The following MALRD1 variants were observed in gnomAD, a reference collection of about 807,000 sequenced individuals.
MALRD1 encodes MAM and LDL-receptor class A domain-containing protein 1.
A neutral mutation model predicts 242.1 loss-of-function variants in MALRD1; 247 were observed. The ratio of observed to expected loss-of-function variants is 1.02; its 90% confidence interval spans 0.92 to 1.13. The LOEUF is 1.13. Ranked by LOEUF, MALRD1 falls within the 50% of genes most tolerant of loss-of-function variation. The probability of loss-of-function intolerance (pLI) is 0.00; values close to 1 mark genes in which losing one functional copy is unlikely to be tolerated. For missense variants in MALRD1, 2,989 were observed against 2,533.1 expected, an observed-to-expected ratio of 1.18 and a Z score of -3.86; for synonymous variants, 995 against 866.6, an observed-to-expected ratio of 1.15 and a Z score of -2.60.
chr10:19,485,348 A>T (rs1837189172), intron 29 of MALRD1, among the ~76,000 whole-genome samples: 1 of 152,228 alleles, frequency 6.6e-6, no homozygotes, highest in Admixed American at 6.5e-5. Context: ...AAATATTTTT[A>T]AAATAATAAA....
chr10:19,234,548 T>C (rs796500643), intron 18 of MALRD1, among the ~76,000 whole-genome samples: 12 of 152,096 alleles, frequency 7.9e-5, no homozygotes, highest in African/African-American at 2.9e-4. Flanking sequence ...TTGCCTGAAA[T>C]AAATGAAACT....
intron 21 of MALRD1, among the ~76,000 whole-genome samples, chr10:19,308,618 T>C (rs142676359): frequency 2.0e-4 from 30 of 151,632 alleles, no homozygotes; most frequent in African/African-American, 6.8e-4. Flanking sequence ...GATGCTACCA[T>C]ATCTTGTCCC....
chr10:19,643,933 C>T (rs1253835845), intron 36 of MALRD1, among the ~76,000 whole-genome samples: 1 of 152,104 alleles, frequency 6.6e-6, no homozygotes, highest in East Asian at 1.9e-4. Flanking sequence ...TTCCCCAGCT[C>T]CCTTCCTTCT....
intron 28 of MALRD1, among the ~76,000 whole-genome samples, chr10:19,419,428 A>G (rs1833636110): frequency 6.6e-6 from 1 of 152,058 alleles, no homozygotes; most frequent in South Asian, 2.1e-4. Context: ...CTGAGTAGCC[A>G]TGACTACAGG....
intron 28 of MALRD1, among the ~76,000 whole-genome samples, chr10:19,417,997 A>T (rs144718020): frequency 4.6e-4 from 70 of 152,240 alleles, no homozygotes; most frequent in African/African-American, 1.5e-3. Flanking sequence ...ACACACACAT[A>T]CACACACCTG....
At chr10:19,416,819 C>A (rs938759082) in intron 28 of MALRD1, among the ~76,000 whole-genome samples, 6 of 152,196 alleles carry the variant, frequency 3.9e-5, no homozygotes, top group Admixed American at 1.3e-4. Context: ...CTTTACTCTG[C>A]TTCCCTGCAC....
At chr10:19,276,845 G>C (rs1193956964) in intron 19 of MALRD1, among the ~76,000 whole-genome samples, 1 of 151,406 alleles carries the variant, frequency 6.6e-6, no homozygotes, top group Admixed American at 6.6e-5. Context: ...TGTTGTCATT[G>C]GCTTTCTATT....
intron 36 of MALRD1, among the ~76,000 whole-genome samples, chr10:19,680,472 C>T (rs1054778969): frequency 6.6e-6 from 1 of 151,796 alleles, no homozygotes; most frequent in Non-Finnish European, 1.5e-5. Flanking sequence ...CTGCTTTTGT[C>T]TGCCTTCCAT....
chr10:19,676,803 G>GT (rs1842156585), intron 36 of MALRD1, among the ~76,000 whole-genome samples: 1 of 152,090 alleles, frequency 6.6e-6, no homozygotes, highest in Non-Finnish European at 1.5e-5. Context: ...TGCGTTAGCT[G>GT]TTTTTCCTGA....
At position 19,123,517 on chromosome 10, in the gene MALRD1, A is replaced by G. The variant is rs947824594; in HGVS notation, c.720A>G (p.Ala240=). The G allele has an allele frequency of 2.2e-5, 27 of 1,233,668 alleles. No homozygotes were observed. The East Asian group carries it at 6.9e-4, about 32-fold the overall frequency. The allele number at this position is 1,233,668 out of a possible 1,614,324, so 76.4% of individuals were successfully genotyped here. The change falls in exon 6 of 40, where the codon GCA becomes GCG. Residue 240 remains alanine (A), a synonymous_variant. Transcript: ENST00000454679. The part of the protein sequence containing the change: ...ANDGILLCQE[A]LNAERELCHP... ...ATGGAATTTTACTGTGTCAAGAAGC[A>G]TTGAATGCTGAGCGGGAGCTATGCC...
intron 26 of MALRD1, among the ~76,000 whole-genome samples, chr10:19,358,588 G>A (rs1307736123): frequency 6.6e-6 from 1 of 152,198 alleles, no homozygotes; most frequent in Non-Finnish European, 1.5e-5. Flanking sequence ...CTAACTGTGT[G>A]ATGTCAGCTA....
At chr10:19,094,464 C>G (rs1588533237) in intron 4 of MALRD1, among the ~76,000 whole-genome samples, 1 of 149,230 alleles carries the variant, frequency 6.7e-6, no homozygotes, top group Admixed American at 6.7e-5. Context: ...GCACGGTGTG[C>G]ACACACACTG....
chr10:19,267,123 T>C (rs1475392121), intron 19 of MALRD1, among the ~76,000 whole-genome samples: 1 of 152,096 alleles, frequency 6.6e-6, no homozygotes, highest in East Asian at 1.9e-4. Flanking sequence ...AAACACTGAC[T>C]ACATCACAAA....
chr10:19,326,102 C>T (rs539450222), intron 22 of MALRD1, among the ~76,000 whole-genome samples: 57 of 152,176 alleles, frequency 3.7e-4, no homozygotes, highest in African/African-American at 1.3e-3. Flanking sequence ...TGTGTATACA[C>T]GCATGGTTAT....
Position 19,231,238 on chromosome 10 carries a change from G to C in MALRD1, c.2991+21558G>C, listed in dbSNP as rs145422195. Among the ~76,000 whole-genome samples the C allele has an allele frequency of 2.6e-3, 389 of 152,248 alleles. 3 individuals carry two copies. The highest frequency in any genetic ancestry group is 9.0e-3 in the African/African-American group (374 of 41,556). On this transcript the variant is annotated intron_variant, in intron 18 of 39. Coordinates refer to ENST00000454679, the MANE Select transcript of MALRD1 (RefSeq NM_001142308.3). ...CCCCAGCTTCTCAGCTCCCCCTTGA[G>C]ATTAGCTGAGGTATTTGTTGTGACT...
intron 36 of MALRD1, among the ~76,000 whole-genome samples, chr10:19,665,137 A>G (rs7090760): frequency 0.1 from 15,202 of 152,146 alleles, 1,900 homozygotes; most frequent in African/African-American, 0.29. Context: ...TAACGCATGT[A>G]TACATGTAGG....
chr10:19,300,384 CAA>C (rs1399446846), intron 21 of MALRD1, among the ~76,000 whole-genome samples: 1 of 151,792 alleles, frequency 6.6e-6, no homozygotes, highest in African/African-American at 2.4e-5. Context: ...AATATGCAAT[CAA>C]AAAAGAGCCT....
rs941236635 is a variant in MALRD1 at position 19,135,289 on chromosome 10, G to T, written c.1204-1285G>T. ...CTTGCGTTAGCCTCCCAAGCAGCTG[G>T]GACTACAGGCATGTGCCACCATGCC... On this transcript the variant is annotated intron_variant, in intron 9 of 39. Transcript: ENST00000454679. 5.9e-5 allele frequency among the ~76,000 whole-genome samples: 9 copies of T among 152,066 alleles called. No individual in the cohort carries two copies. The East Asian group carries it at 1.7e-3, about 29-fold the overall frequency.
chr10:19,539,877 T>C (rs1175541023), intron 32 of MALRD1, among the ~76,000 whole-genome samples: 2 of 83,270 alleles, frequency 2.4e-5, no homozygotes, highest in Non-Finnish European at 4.8e-5. Context: ...TGTGTGTGTG[T>C]GTGTGTGTGT....
Sources: allele counts gnomAD v4.1 joint callset (sites outside exome capture counted in the v4.1 genomes callset), GRCh38; gene constraint gnomAD v4.1.1; transcripts MANE v1.5; gene names NCBI Gene and HGNC (gene_info 2026-07-23, HGNC 2026-07-21).